Variants in KIAA1217 observed in about 807,000 individuals in gnomAD.
The protein encoded by KIAA1217 is sickle tail protein homolog.
Under a neutral mutation model 163.9 loss-of-function variants are expected in KIAA1217, and 88 were observed. The ratio of observed to expected loss-of-function variants is 0.54; its 90% CI spans 0.45 to 0.64. The LOEUF (loss-of-function observed/expected upper bound fraction) is 0.64. Among genes scored for constraint, KIAA1217 ranks in the 30% least tolerant of loss-of-function variants. The pLI is 0.00. For missense variants in KIAA1217, 2,372 were observed against 2,475.0 expected, an observed-to-expected ratio of 0.96 and a Z score of 0.88; for synonymous variants, 903 against 923.1, an observed-to-expected ratio of 0.98 and a Z score of 0.39.
chr10:24,397,792 C>T (rs368399685), intron 3 of KIAA1217, among the ~76,000 whole-genome samples: 1 of 152,168 alleles, frequency 6.6e-6, no homozygotes, highest in Non-Finnish European at 1.5e-5. Flanking sequence ...CTCTCTACAG[C>T]AGTTATTCCA....
intron 2 of KIAA1217, among the ~76,000 whole-genome samples, chr10:24,192,328 C>T (rs1389648052): frequency 6.6e-6 from 1 of 152,082 alleles, no homozygotes; most frequent in African/African-American, 2.4e-5. Flanking sequence ...ATAGGGAGGG[C>T]ATCTCTCACA....
At chr10:24,523,761 ACT>A (rs756595984) in intron 12 of KIAA1217, among the ~76,000 whole-genome samples, 4 of 152,134 alleles carry the variant, frequency 2.6e-5, no homozygotes, top group East Asian at 1.9e-4. Context: ...GACACCAGAC[ACT>A]CTGTCTTTTC....
intron 1 of KIAA1217, among the ~76,000 whole-genome samples, chr10:23,866,629 G>A (rs1433301468): frequency 2.0e-5 from 3 of 151,754 alleles, no homozygotes; most frequent in African/African-American, 7.3e-5. Context: ...ACCCCTGCTT[G>A]GGAGAGAAGG....
chr10:23,797,923 G>T (rs1836284625), intron 1 of KIAA1217, among the ~76,000 whole-genome samples: 1 of 152,198 alleles, frequency 6.6e-6, no homozygotes, highest in Admixed American at 6.5e-5. Context: ...ATGAATCCTA[G>T]AAGGAGATTT....
At chr10:24,369,412 G>A (rs1257597250) in intron 2 of KIAA1217, among the ~76,000 whole-genome samples, 1 of 152,064 alleles carries the variant, frequency 6.6e-6, no homozygotes, top group East Asian at 1.9e-4. Context: ...GTTCCCTGTG[G>A]CCTTCTCCAC....
At chr10:23,934,625 A>ATATATTTT (rs1554826424) in intron 1 of KIAA1217, among the ~76,000 whole-genome samples, 8 of 68,542 alleles carry the variant, frequency 1.2e-4, no homozygotes, top group South Asian at 3.8e-4. Context: ...ATATATATAT[A>ATATATTTT]TTTTTTTTTT....
chr10:23,708,698 G>T (rs1281559337), intron 1 of KIAA1217, among the ~76,000 whole-genome samples: 1 of 152,168 alleles, frequency 6.6e-6, no homozygotes. Context: ...AAGTTAGGCA[G>T]GGCCTTAACT....
intron 1 of KIAA1217, among the ~76,000 whole-genome samples, chr10:23,926,223 G>A (rs1328175653): frequency 1.3e-5 from 2 of 152,148 alleles, no homozygotes; most frequent in Admixed American, 1.3e-4. Flanking sequence ...GGTGGAGGGG[G>A]CTGGGAAAAA....
chr10:23,929,986 A>G (rs1271845725), intron 1 of KIAA1217, among the ~76,000 whole-genome samples: 3 of 152,164 alleles, frequency 2.0e-5, no homozygotes, highest in Admixed American at 6.5e-5. Flanking sequence ...GGGCTGAACT[A>G]ATTTATAATC....
chr10:24,189,115 A>G (rs891584318), intron 2 of KIAA1217, among the ~76,000 whole-genome samples: 2 of 149,776 alleles, frequency 1.3e-5, no homozygotes, highest in Non-Finnish European at 3.0e-5. Flanking sequence ...CAAAAAAAAA[A>G]AAAAGAAAAG....
chr10:23,927,413 T>C (rs75157743), intron 1 of KIAA1217, among the ~76,000 whole-genome samples: 4,222 of 151,922 alleles, frequency 0.028, 123 homozygotes, highest in African/African-American at 0.063. Context: ...CACTGATCAT[T>C]ATTCTATTTA....
chr10:24,520,651 A>AATATATATATATATAT (rs71472811), intron 11 of KIAA1217, among the ~76,000 whole-genome samples: 1 of 39,658 alleles, frequency 2.5e-5, no homozygotes, highest in Non-Finnish European at 4.9e-5. Context: ...AAAAAAAAAA[A>AATATATATATATATAT]ATATATATAT....
chr10:23,983,183 G>A (rs912416059), intron 1 of KIAA1217, among the ~76,000 whole-genome samples: 1 of 152,052 alleles, frequency 6.6e-6, no homozygotes, highest in African/African-American at 2.4e-5. Context: ...ATAGAGCGAA[G>A]CCCAAATTCA....
At chr10:24,545,483 G>T in intron 20 of KIAA1217, 2 of 1,279,632 alleles carry the variant, frequency 1.6e-6, no homozygotes, top group Non-Finnish European at 2.0e-6. Context: ...ACTGTATTGT[G>T]TTAGAAGCAC....
intron 2 of KIAA1217, among the ~76,000 whole-genome samples, chr10:24,180,461 A>G (rs532207516): frequency 2.0e-5 from 3 of 151,546 alleles, no homozygotes; most frequent in Non-Finnish European, 4.4e-5. Context: ...TAGTTTTTAT[A>G]TTTTTAATAG....
chr10:24,351,472 G>C (rs1380605504), intron 2 of KIAA1217, among the ~76,000 whole-genome samples: 3 of 152,122 alleles, frequency 2.0e-5, no homozygotes, highest in Non-Finnish European at 2.9e-5. Flanking sequence ...GGTGGATATA[G>C]CTGTGTTACA....
chr10:24,517,033 C>T (rs938905426), intron 10 of KIAA1217, among the ~76,000 whole-genome samples: 1 of 151,698 alleles, frequency 6.6e-6, no homozygotes, highest in Non-Finnish European at 1.5e-5. Flanking sequence ...AAAAATAAAC[C>T]CTAGCCGATC....
At chr10:24,446,908 G>C (rs1481170901) in intron 5 of KIAA1217, among the ~76,000 whole-genome samples, 1 of 152,150 alleles carries the variant, frequency 6.6e-6, no homozygotes, top group Non-Finnish European at 1.5e-5. Context: ...TCTAGAACTG[G>C]CCTTTGTAAT....
intron 1 of KIAA1217, among the ~76,000 whole-genome samples, chr10:23,934,234 G>T (rs1843378169): frequency 6.6e-6 from 1 of 151,984 alleles, no homozygotes; most frequent in South Asian, 2.1e-4. Context: ...CATGTCCTTT[G>T]CAGGGACATG....
Sources: allele counts gnomAD v4.1 joint callset (sites outside exome capture counted in the v4.1 genomes callset), GRCh38; gene constraint gnomAD v4.1.1; transcripts MANE v1.5; gene names NCBI Gene and HGNC (gene_info 2026-07-23, HGNC 2026-07-21).